NAV2: variants seen among roughly 807,000 people sequenced by gnomAD.
NAV2 encodes the protein helicase, APC down-regulated 1.
Under a neutral mutation model 223.2 loss-of-function variants are expected in NAV2, and 54 were observed. The ratio of observed to expected loss-of-function variants is 0.24; its 90% CI spans 0.19 to 0.30. The LOEUF is 0.30. NAV2 is among the 10% of genes least tolerant of loss of function. NAV2 has a pLI of 1.00. For missense variants in NAV2, 2,806 were observed against 3,147.5 expected (o/e 0.89, Z 2.60); for synonymous variants, 1,279 against 1,239.3 (o/e 1.03, Z -0.67).
chr11:19,652,533 CCT>C (rs1286155002), intron 1 of NAV2, among the ~76,000 whole-genome samples: 4 of 152,196 alleles, frequency 2.6e-5, no homozygotes, highest in Admixed American at 6.5e-5. Flanking sequence ...TTGGTTTTCC[CCT>C]CTTTTCTTCC....
intron 1 of NAV2, among the ~76,000 whole-genome samples, chr11:19,602,632 T>C (rs1354464736): frequency 6.6e-6 from 1 of 152,118 alleles, no homozygotes. Context: ...AGCCATGCTT[T>C]CTTGGCAGAC....
chr11:19,993,518 C>A (rs1335568967), intron 11 of NAV2, among the ~76,000 whole-genome samples: 2 of 152,206 alleles, frequency 1.3e-5, no homozygotes, highest in Non-Finnish European at 1.5e-5. Context: ...TAGTGAACTG[C>A]ACTAATGACT....
At chr11:20,061,741 T>G (rs1041250192) in intron 19 of NAV2, among the ~76,000 whole-genome samples, 1 of 152,220 alleles carries the variant, frequency 6.6e-6, no homozygotes, top group Non-Finnish European at 1.5e-5. Flanking sequence ...TTGATGGATA[T>G]GTTTTCTAAA....
intron 1 of NAV2, among the ~76,000 whole-genome samples, chr11:19,596,702 G>A (rs1233850281): frequency 1.3e-5 from 2 of 152,228 alleles, no homozygotes; most frequent in African/African-American, 2.4e-5. Context: ...GACTTCCACA[G>A]CTTTCATTAT....
chr11:19,925,491 C>T (rs1172471255), intron 6 of NAV2, among the ~76,000 whole-genome samples: 1 of 152,172 alleles, frequency 6.6e-6, no homozygotes, highest in Non-Finnish European at 1.5e-5. Context: ...TGGCTTACGC[C>T]TGTAATCCCA....
chr11:19,623,808 G>T (rs1305206201), intron 1 of NAV2, among the ~76,000 whole-genome samples: 1 of 152,224 alleles, frequency 6.6e-6, no homozygotes, highest in Non-Finnish European at 1.5e-5. Flanking sequence ...TTGCTGGTGA[G>T]GAGCTGTGTT....
intron 31 of NAV2, 140 bp from the exon 32 acceptor site, chr11:20,100,797 T>TC: frequency 1.5e-6 from 1 of 665,568 alleles, no homozygotes; most frequent in Non-Finnish European, 2.6e-6. Context: ...CCTCCAGTGT[T>TC]CCTGGGTGTG....
At chr11:19,434,028 T>A (rs1195849987) in intron 1 of NAV2, among the ~76,000 whole-genome samples, 1 of 151,956 alleles carries the variant, frequency 6.6e-6, no homozygotes, top group African/African-American at 2.4e-5. Flanking sequence ...GGCTTGGAAG[T>A]AATGACTATT....
At chr11:20,080,856 G>C (rs1476946016) in intron 25 of NAV2, among the ~76,000 whole-genome samples, 1 of 152,150 alleles carries the variant, frequency 6.6e-6, no homozygotes, top group East Asian at 1.9e-4. Flanking sequence ...GTGGTGCCTT[G>C]AGTGGTTTTT....
At chr11:19,516,473 A>G (rs566892849) in intron 1 of NAV2, among the ~76,000 whole-genome samples, 64 of 152,254 alleles carry the variant, frequency 4.2e-4, no homozygotes, top group African/African-American at 1.5e-3. Context: ...TTTATTTACA[A>G]CCTATAGGAT....
chr11:19,597,510 C>A (rs971370841), intron 1 of NAV2, among the ~76,000 whole-genome samples: 2 of 152,184 alleles, frequency 1.3e-5, no homozygotes, highest in African/African-American at 4.8e-5. Context: ...TATGAAGAAG[C>A]CATTTATTTC....
In NAV2 at chr11:19,703,428, T is replaced by C. The variant is rs199656651; in HGVS notation, c.76-129056T>C. Among the ~76,000 whole-genome samples, 13 of 152,058 alleles carry C rather than the reference T, an allele frequency of 8.5e-5. No homozygotes were observed. In the East Asian group the frequency reaches 2.3e-3, roughly 27 times the overall value. ...TGACAGCAGTAACCAAAAGAGGAAATGTGTTGAGAGAGCCGTGGGGAGGTG... is the reference window on the plus strand; with the variant it reads ...TGACAGCAGTAACCAAAAGAGGAAACGTGTTGAGAGAGCCGTGGGGAGGTG... On this transcript the variant is annotated intron_variant, in intron 1 of 37. Transcript: ENST00000360655.
At chr11:19,859,452 T>C (rs1426496389) in intron 3 of NAV2, among the ~76,000 whole-genome samples, 1 of 147,428 alleles carries the variant, frequency 6.8e-6, no homozygotes, top group East Asian at 2.0e-4. Context: ...AGCACAGGGT[T>C]GGGGGTAAGG....
chr11:19,599,405 G>A (rs2046296786), intron 1 of NAV2, among the ~76,000 whole-genome samples: 1 of 152,106 alleles, frequency 6.6e-6, no homozygotes, highest in African/African-American at 2.4e-5. Flanking sequence ...TTAATAATCT[G>A]GGCTACTCTG....
intron 4 of NAV2, among the ~76,000 whole-genome samples, chr11:19,878,415 G>A (rs1591029155): frequency 6.6e-6 from 1 of 152,206 alleles, no homozygotes; most frequent in African/African-American, 2.4e-5. Context: ...ACCTTGTGCA[G>A]TGGGGCAAAG....
intron 9 of NAV2, among the ~76,000 whole-genome samples, chr11:19,947,269 A>T (rs1178565378): frequency 6.6e-6 from 1 of 152,224 alleles, no homozygotes; most frequent in South Asian, 2.1e-4. Context: ...TTCCATCTCC[A>T]ATAGGACCGA....
chr11:19,533,997 C>T (rs191286495), intron 1 of NAV2, among the ~76,000 whole-genome samples: 9 of 132,412 alleles, frequency 6.8e-5, no homozygotes, highest in Admixed American at 2.7e-4. Context: ...TGAGCCACCG[C>T]GCCCGGCCTC....
chr11:19,687,788 TGTG>T (rs2049064924), intron 1 of NAV2, among the ~76,000 whole-genome samples: 1 of 151,150 alleles, frequency 6.6e-6, no homozygotes, highest in Non-Finnish European at 1.5e-5. Flanking sequence ...TGCATGCGTG[TGTG>T]TGTGTGTGTG....
intron 1 of NAV2, among the ~76,000 whole-genome samples, chr11:19,356,677 C>T (rs1432237400): frequency 2.0e-5 from 3 of 152,128 alleles, no homozygotes; most frequent in African/African-American, 7.2e-5. Flanking sequence ...TTTTGGGGGG[C>T]TGCAGCTGGG....
Sources: gnomAD v4.1 joint callset for allele counts (sites outside exome capture counted in the v4.1 genomes callset) on GRCh38, gnomAD v4.1.1 for gene constraint, MANE v1.5 for transcripts, NCBI Gene and HGNC (gene_info 2026-07-23, HGNC 2026-07-21) for gene names.